The following ITGA3 variants were observed in gnomAD, a reference collection of about 807,000 sequenced individuals.
ITGA3 encodes the protein integrin subunit alpha 3.
Under a neutral mutation model 131.1 loss-of-function variants are expected in ITGA3, and 70 were observed. The observed-to-expected ratio is 0.53, with a 90% CI of 0.44 to 0.65. ITGA3 has a LOEUF of 0.65. ITGA3 is among the 30% of genes least tolerant of loss of function. The probability of loss-of-function intolerance (pLI) is 0.00; values close to 1 mark genes in which losing one functional copy is unlikely to be tolerated. For missense variants in ITGA3, 1,098 were observed against 1,388.6 expected (o/e 0.79, Z 3.33); for synonymous variants, 537 against 571.6 (o/e 0.94, Z 0.86).
rs555978899 is a variant in ITGA3, at chr17:50,077,252, C to T, written c.2071-127C>T. 23 of 1,288,306 alleles carry T rather than the reference C, an allele frequency of 1.8e-5. 1 individual carries two copies. In the South Asian group the frequency reaches 3.0e-4, roughly 17 times the overall value. The allele number at this position is 1,288,306 out of a possible 1,614,324, so 79.8% of individuals were successfully genotyped here. ...CCTCTGGTCTGGGCCTTCTTGGGGGCCTTAGCGTCTCTGCTGCTTGGAGAA... is the reference window on the plus strand; with the variant it reads ...CCTCTGGTCTGGGCCTTCTTGGGGGTCTTAGCGTCTCTGCTGCTTGGAGAA... On this transcript the variant is annotated intron_variant, in intron 15 of 25. Transcript: ENST00000320031.
chr17:50,057,506 C>T (rs1239009892), intron 1 of ITGA3, among the ~76,000 whole-genome samples: 1 of 152,228 alleles, frequency 6.6e-6, no homozygotes, highest in Non-Finnish European at 1.5e-5. Context: ...CCTCACTCCA[C>T]CAGACGCCCT....
chr17:50,059,060 C>A (rs1907960197), intron 1 of ITGA3, among the ~76,000 whole-genome samples: 1 of 152,194 alleles, frequency 6.6e-6, no homozygotes. Context: ...AGGGGTGGGA[C>A]CCTCTTTGCT....
At chr17:50,083,060 A>C (rs1306705540) in intron 23 of ITGA3, among the ~76,000 whole-genome samples, 1 of 152,238 alleles carries the variant, frequency 6.6e-6, no homozygotes, top group Non-Finnish European at 1.5e-5. Flanking sequence ...TACATTTCCT[A>C]AGATCAATTA....
chr17:50,074,428 TG>T lies in ITGA3; in HGVS notation c.1383-18del, dbSNP rs1260975542. ...CAGGCAGGAGGCACTGATATCTGTC[TG>T]GCTCTGTTGTCTCTGCAGGGCCCGG... On this transcript the variant is annotated intron_variant, in intron 9 of 25. Coordinates refer to ENST00000320031, the MANE Select transcript of ITGA3 (RefSeq NM_002204.4). The T allele has an allele frequency of 3.7e-6, 6 of 1,612,530 alleles. No homozygotes were observed. The highest frequency in any genetic ancestry group is 5.1e-6 in the Non-Finnish European group (6 of 1,178,906).
chr17:50,075,808 A>C (rs1908863883), intron 12 of ITGA3, 73 bp downstream of exon 12: 15 of 1,518,066 alleles, frequency 9.9e-6, no homozygotes, highest in African/African-American at 1.4e-5. Flanking sequence ...CCCCTAGATC[A>C]AGGGTGAGGG....
chr17:50,062,578 A>G, intron 1 of ITGA3, among the ~76,000 whole-genome samples: 1 of 152,138 alleles, frequency 6.6e-6, no homozygotes, highest in South Asian at 2.1e-4. Flanking sequence ...TGTTGTCTTG[A>G]AGTATAGGCA....
Position 50,064,499 on chromosome 17 carries a change from C to G in ITGA3, c.335-29C>G, listed in dbSNP as rs982811698. 6.3e-6 allele frequency: 10 copies of G among 1,596,734 alleles called. No individual in the cohort carries two copies. In the East Asian group the frequency reaches 9.0e-5, roughly 14 times the overall value. On this transcript the variant is annotated intron_variant, in intron 2 of 25. Transcript: ENST00000320031. The surrounding 1 kb of genome is among the most constrained non-coding windows in gnomAD (Gnocchi z 4.4). ...GGCACTGAAGTATGGGTGAGGTGCT[C>G]TGATTCATGATCCTTCCGGTGCCCA... is the stretch of plus-strand genomic sequence containing the variant.
intron 4 of ITGA3, among the ~76,000 whole-genome samples, chr17:50,068,835 TTTATTTATTTATTTA>T (rs1369103951): frequency 7.2e-6 from 1 of 138,932 alleles, no homozygotes; most frequent in East Asian, 2.5e-4. Context: ...TATTTATTTA[TTTATTTATTTATTTA>T]TTTATTTATT....
At chr17:50,077,531 G>T (rs890002288) in intron 16 of ITGA3, 84 bp downstream of exon 16, 4 of 1,106,152 alleles carry the variant, frequency 3.6e-6, no homozygotes, top group Non-Finnish European at 5.5e-6. Context: ...GCCTCTGCCT[G>T]CCTGCTTTCT....
intron 14 of ITGA3, 21 bp downstream of exon 14, chr17:50,076,702 G>A: frequency 1.9e-6 from 3 of 1,596,810 alleles, no homozygotes; most frequent in South Asian, 1.1e-5. Flanking sequence ...GCCGCCGGCC[G>A]CGTTAATCGG....
Position 50,076,607 on chromosome 17 carries a change from G to T in ITGA3, c.1848G>T (p.Gly616=), listed in dbSNP as rs1302272235. ...HTEVQFQKEC[G]PDNKCESNLQ... is the part of the protein sequence containing the mutation. ...AGGTCCAGTTCCAGAAGGAGTGCGG[G>T]CCTGACAACAAGTGTGAGAGCAACT... The change falls in exon 14 of 26, where the codon GGG becomes GGT. Residue 616 remains glycine, a synonymous_variant. Coordinates refer to ENST00000320031, the MANE Select transcript of ITGA3 (RefSeq NM_002204.4). The T allele has an allele frequency of 8.1e-6, 13 of 1,613,452 alleles. No homozygotes were observed. In the East Asian group the frequency reaches 1.6e-4, roughly 19 times the overall value.
At chr17:50,081,085 G>A (rs991425364) in intron 22 of ITGA3, 4 of 517,036 alleles carry the variant, frequency 7.7e-6, no homozygotes, top group East Asian at 3.3e-5. Flanking sequence ...TCATTGTTTC[G>A]GTTGTCCCCA....
At chr17:50,076,863 T>A (rs969807080) in intron 14 of ITGA3, 111 bp from the exon 15 acceptor site, 37 of 1,304,432 alleles carry the variant, frequency 2.8e-5, no homozygotes, top group Non-Finnish European at 3.8e-5. Context: ...GGGGCCTGGC[T>A]GTCCCAAGAT....
In ITGA3 at chr17:50,068,814, T is replaced by TATTA. The variant is rs1555554348; in HGVS notation, c.664+509_664+510insATTA. On this transcript the variant is annotated intron_variant, in intron 4 of 25. Transcript: ENST00000320031. ...ACCATGCCCAGCCTCAATCAGTCTT[T>TATTA]TTTATTTATTTATTTATTTATTTAT... Among the ~76,000 whole-genome samples the TATTA allele has an allele frequency of 5.8e-3, 693 of 118,722 alleles. 17 individuals are homozygous for TATTA. The highest frequency in any genetic ancestry group is 0.022 in the African/African-American group (647 of 29,866). 77.9% of individuals were successfully genotyped at this position (118,722 alleles called of 152,430 possible).
In ITGA3 at chr17:50,079,502, G is replaced by GC. The variant is rs767228111; in HGVS notation, c.2657dup (p.Pro887ThrfsTer13). The GC allele has an allele frequency of 1.3e-6, 2 of 1,577,830 alleles. No individual in the cohort carries two copies. The highest frequency in any genetic ancestry group is 1.9e-5 in the Admixed American group (1 of 53,578). On this transcript the variant is annotated frameshift_variant, in exon 21 of 26. Coordinates refer to ENST00000320031, the MANE Select transcript of ITGA3 (RefSeq NM_002204.4). LOFTEE classifies it high-confidence loss of function. ...CAGCTGGATCCAGGGGGAGGCCAGG[G>GC]CCCCCCACCTGTCACTCTGGCTGCT...
chr17:50,081,334 C>T lies in ITGA3; in HGVS notation c.2845C>T (p.Arg949Trp), dbSNP rs1909177274. 6 of 1,591,148 alleles carry T rather than the reference C, an allele frequency of 3.8e-6. No homozygotes were observed. The highest frequency in any genetic ancestry group is 2.3e-5 in the South Asian group (2 of 87,610). Residue 949 changes from arginine (R) to tryptophan (W), a missense_variant, in exon 23 of 26, where the codon CGG becomes TGG. Arg to Trp is a moderately radical substitution (Grantham distance 101). Coordinates refer to ENST00000320031, the MANE Select transcript of ITGA3 (RefSeq NM_002204.4). Reference protein sequence around the residue: ...IEDYRDFDRVRVNGWATLFLR... With the variant: ...IEDYRDFDRVWVNGWATLFLR... ...GGATTACAGAGACTTTGACCGAGTC[C>T]GGGTAAATGGCTGGGCTACCCTATT...
intron 18 of ITGA3, 23 bp from the exon 19 acceptor site, chr17:50,078,801 T>A (rs752404423): frequency 6.8e-7 from 1 of 1,468,580 alleles, no homozygotes; most frequent in Non-Finnish European, 9.5e-7. Context: ...CCCCCGTGAC[T>A]CCAGCATCCT....
intron 10 of ITGA3, among the ~76,000 whole-genome samples, chr17:50,074,934 A>C (rs1908814393): frequency 6.6e-6 from 1 of 152,234 alleles, no homozygotes; most frequent in Non-Finnish European, 1.5e-5. Context: ...TAACTGATTC[A>C]CAGGGTTGTT....
chr17:50,065,127 T>C (rs1908278087), intron 3 of ITGA3: 2 of 152,494 alleles, frequency 1.3e-5, no homozygotes, highest in Admixed American at 6.5e-5. Context: ...TCCCCCCGCA[T>C]TTTTTTCTCT....
Sources: allele counts gnomAD v4.1 joint callset (sites outside exome capture counted in the v4.1 genomes callset), GRCh38; gene constraint gnomAD v4.1.1; non-coding constraint Gnocchi (gnomAD v3.1); transcripts MANE v1.5; gene names NCBI Gene and HGNC (gene_info 2026-07-23, HGNC 2026-07-21).